The following PTPRK variants were observed in gnomAD, a reference collection of about 807,000 sequenced individuals.
PTPRK encodes the protein receptor-type tyrosine-protein phosphatase kappa.
PTPRK carries 75 observed loss-of-function variants against 178.0 expected under a neutral mutation model. The observed-to-expected ratio is 0.42, with a 90% confidence interval of 0.35 to 0.51. PTPRK has a LOEUF of 0.51. Ranked by LOEUF, PTPRK falls within the 20% of genes least tolerant of loss-of-function variation. The pLI, the probability that PTPRK is intolerant of heterozygous loss-of-function variation, is 0.02. For synonymous variants in PTPRK, 637 were observed against 620.6 expected, an observed-to-expected ratio of 1.03 and a Z score of -0.39; for missense variants, 1,441 against 1,797.8, an observed-to-expected ratio of 0.80 and a Z score of 3.59.
intron 25 of PTPRK, 49 bp from the exon 26 acceptor site, chr6:127,977,103 G>T (rs1237579674): frequency 6.3e-7 from 1 of 1,578,504 alleles, no homozygotes; most frequent in African/African-American, 1.4e-5. Context: ...TAAAATGTAT[G>T]ATCGGTTGTA....
chr6:128,257,376 G>C (rs1309195285), intron 3 of PTPRK, among the ~76,000 whole-genome samples: 1 of 151,998 alleles, frequency 6.6e-6, no homozygotes, highest in Non-Finnish European at 1.5e-5. Context: ...TTCTACATGA[G>C]GGATAATGTG....
At position 128,300,682 on chromosome 6, in the gene PTPRK, G is replaced by C. The variant is rs1233011042; in HGVS notation, c.495+21357C>G. ...CAATGAGAACACACGGACACAGGAA[G>C]GGGAACATCACAGTATGGGGACTGT... On this transcript the variant is annotated intron_variant, in intron 3 of 29. Transcript: ENST00000368226. Among the ~76,000 whole-genome samples, 12 of 146,636 alleles carry C rather than the reference G, an allele frequency of 8.2e-5. No individual in the cohort carries two copies. The Admixed American group carries it at 8.3e-4, about 10-fold the overall frequency.
intron 3 of PTPRK, among the ~76,000 whole-genome samples, chr6:128,312,206 C>A (rs1022514037): frequency 3.3e-5 from 5 of 152,190 alleles, no homozygotes; most frequent in African/African-American, 1.2e-4. Flanking sequence ...GTATTCGGGT[C>A]TTTTGACCTA....
At chr6:128,499,479 A>T (rs1855229640) in intron 1 of PTPRK, among the ~76,000 whole-genome samples, 1 of 152,222 alleles carries the variant, frequency 6.6e-6, no homozygotes, top group African/African-American at 2.4e-5. Flanking sequence ...TTATACACGA[A>T]TTGAGGATAA....
intron 3 of PTPRK, among the ~76,000 whole-genome samples, chr6:128,302,023 G>T (rs1393644479): frequency 1.3e-5 from 2 of 151,962 alleles, no homozygotes; most frequent in African/African-American, 4.8e-5. Context: ...AAGTTCCCGA[G>T]ACTAAATTAC....
chr6:128,182,023 A>T (rs546378458), intron 7 of PTPRK, among the ~76,000 whole-genome samples: 2 of 152,234 alleles, frequency 1.3e-5, no homozygotes, highest in African/African-American at 4.8e-5. Flanking sequence ...GTCTATAAGT[A>T]CTTCCCTCCC....
At chr6:128,344,434 T>C (rs1832120351) in intron 2 of PTPRK, among the ~76,000 whole-genome samples, 1 of 152,176 alleles carries the variant, frequency 6.6e-6, no homozygotes, top group South Asian at 2.1e-4. Flanking sequence ...CATAAGATGA[T>C]ACCCTATAAC....
Position 128,276,798 on chromosome 6 carries a change from G to A in PTPRK, c.496-34196C>T, listed in dbSNP as rs138822779. ...ATTTCTCTAAGTTGTGGGCACCGAT[G>A]AGTTCAAGACTATTCCCTGAAAAAG... On this transcript the variant is annotated intron_variant, in intron 3 of 29. Coordinates refer to ENST00000368226, the MANE Select transcript of PTPRK (RefSeq NM_002844.4). Among the ~76,000 whole-genome samples the A allele has an allele frequency of 5.9e-5, 9 of 152,208 alleles. No individual in the cohort carries two copies. In the East Asian group the frequency reaches 1.4e-3, roughly 23 times the overall value.
At chr6:128,373,941 C>T (rs1370940997) in intron 2 of PTPRK, among the ~76,000 whole-genome samples, 1 of 152,080 alleles carries the variant, frequency 6.6e-6, no homozygotes, top group Non-Finnish European at 1.5e-5. Context: ...CTACATAAAA[C>T]AAGAAAGGGT....
chr6:128,506,659 CA>C (rs60473661), intron 1 of PTPRK, among the ~76,000 whole-genome samples: 2,422 of 53,118 alleles, frequency 0.046, 32 homozygotes, highest in African/African-American at 0.12. Flanking sequence ...AACTCTGTCT[CA>C]AAAAAAAAAA....
intron 1 of PTPRK, among the ~76,000 whole-genome samples, chr6:128,489,488 T>C (rs1168983996): frequency 2.0e-5 from 3 of 152,328 alleles, no homozygotes; most frequent in East Asian, 3.9e-4. Context: ...GCCTGAATCA[T>C]GATAACTAAA....
At chr6:128,342,653 A>G (rs1337153860) in intron 2 of PTPRK, among the ~76,000 whole-genome samples, 3 of 152,220 alleles carry the variant, frequency 2.0e-5, no homozygotes, top group African/African-American at 7.2e-5. Context: ...ATTTTCATAA[A>G]TTATATAGAA....
chr6:128,303,031 A>T (rs1825872181), intron 3 of PTPRK, among the ~76,000 whole-genome samples: 1 of 152,098 alleles, frequency 6.6e-6, no homozygotes, highest in South Asian at 2.1e-4. Flanking sequence ...TGGCATCACG[A>T]TTCACTACGC....
chr6:128,060,123 G>A (rs1780564346), intron 13 of PTPRK, among the ~76,000 whole-genome samples: 1 of 152,126 alleles, frequency 6.6e-6, no homozygotes, highest in Non-Finnish European at 1.5e-5. Context: ...GTTAGACACA[G>A]GGTATTCCAG....
At chr6:128,190,128 T>G (rs1382898917) in intron 6 of PTPRK, among the ~76,000 whole-genome samples, 1 of 152,164 alleles carries the variant, frequency 6.6e-6, no homozygotes, top group African/African-American at 2.4e-5. Flanking sequence ...CAATTTAACT[T>G]TTCCTTAGAT....
At chr6:128,388,557 T>C (rs1365104654) in intron 2 of PTPRK, among the ~76,000 whole-genome samples, 1 of 152,202 alleles carries the variant, frequency 6.6e-6, no homozygotes, top group Admixed American at 6.5e-5. Context: ...CTGAAGCTTT[T>C]TGCTGCAGTC....
At chr6:128,011,370 A>C (rs1779031321) in intron 13 of PTPRK, among the ~76,000 whole-genome samples, 1 of 151,208 alleles carries the variant, frequency 6.6e-6, no homozygotes, top group Non-Finnish European at 1.5e-5. Context: ...ATGTTTCTGA[A>C]AATTCTCTGG....
chr6:128,317,217 C>G lies in PTPRK; in HGVS notation c.495+4822G>C, dbSNP rs143368787. Reference sequence around the variant, plus strand: ...AATGGGAAATAATATTGCTCCACCACTACGTAAGCACAACTTCAACTGTGC... The same window carrying G: ...AATGGGAAATAATATTGCTCCACCAGTACGTAAGCACAACTTCAACTGTGC... On this transcript the variant is annotated intron_variant, in intron 3 of 29. Coordinates refer to ENST00000368226, the MANE Select transcript of PTPRK (RefSeq NM_002844.4). 2.5e-3 allele frequency among the ~76,000 whole-genome samples: 384 copies of G among 152,258 alleles called. 3 individuals carry two copies. The highest frequency in any genetic ancestry group is 8.5e-3 in the African/African-American group (354 of 41,540).
intron 3 of PTPRK, among the ~76,000 whole-genome samples, chr6:128,278,124 T>G (rs755565170): frequency 1.9e-4 from 10 of 53,796 alleles, no homozygotes; most frequent in African/African-American, 3.0e-4. Flanking sequence ...TTTTGTGTTT[T>G]TTATTTATTT....
Sources: gnomAD v4.1 joint callset for allele counts (sites outside exome capture counted in the v4.1 genomes callset) on GRCh38, gnomAD v4.1.1 for gene constraint, MANE v1.5 for transcripts, NCBI Gene and HGNC (gene_info 2026-07-23, HGNC 2026-07-21) for gene names.